Variants in IRAK2 observed in about 807,000 individuals in gnomAD.
IRAK2 encodes interleukin-1 receptor-associated kinase-like 2.
A neutral mutation model predicts 72.0 loss-of-function variants in IRAK2; 57 were observed. That is an observed-to-expected ratio of 0.79 (90% CI 0.64 to 0.99). The LOEUF (loss-of-function observed/expected upper bound fraction) is 0.99, where lower values mean the gene tolerates loss of function less well. IRAK2 is among the 50% of genes least tolerant of loss of function. The pLI is 0.00. For synonymous variants in IRAK2, 293 were observed against 312.7 expected (o/e 0.94, Z 0.67); for missense variants, 790 against 794.4 (o/e 0.99, Z 0.07).
At chr3:10,209,769 T>A in intron 4 of IRAK2, 77 bp downstream of exon 4, 1 of 862,698 alleles carries the variant, frequency 1.2e-6, no homozygotes, top group Non-Finnish European at 1.7e-6. Flanking sequence ...GCAATTTCTC[T>A]ACCCCTTGAG....
chr3:10,217,645 A>G (rs1020558054), intron 7 of IRAK2, among the ~76,000 whole-genome samples: 2 of 152,230 alleles, frequency 1.3e-5, no homozygotes, highest in Admixed American at 6.5e-5. Context: ...GGGGCCTAGG[A>G]TAAGAAGCAA....
intron 1 of IRAK2, among the ~76,000 whole-genome samples, chr3:10,175,186 C>A (rs528620182): frequency 6.6e-6 from 1 of 151,960 alleles, no homozygotes; most frequent in Non-Finnish European, 1.5e-5. Context: ...TGCAGTGGCA[C>A]GATCTCAGCT....
chr3:10,226,401 G>A lies in IRAK2; in HGVS notation c.1240G>A (p.Ala414Thr). The A allele has an allele frequency of 6.2e-7, 1 of 1,613,614 alleles. No individual in the cohort carries two copies. Among genetic ancestry groups the A allele is most frequent in the Non-Finnish European group, 8.5e-7 (1 of 1,179,842 alleles). The change falls in exon 10 of 13, where the codon GCA (alanine) becomes ACA (threonine). Residue 414 changes from alanine (A) to threonine (T), a missense_variant. Coordinates refer to ENST00000256458, the MANE Select transcript of IRAK2 (RefSeq NM_001570.4). ...VLAEVLTGIPAMDNNRSPVYL... is the reference protein window; with the variant it reads ...VLAEVLTGIPTMDNNRSPVYL... The stretch of plus-strand genomic sequence containing the variant: ...GGCCGAGGTCCTCACGGGCATCCCT[G>A]CAATGGATAACAACCGAAGCCCGGT...
chr3:10,187,474 T>C (rs1295474842), intron 2 of IRAK2, among the ~76,000 whole-genome samples: 1 of 152,190 alleles, frequency 6.6e-6, no homozygotes, highest in African/African-American at 2.4e-5. Flanking sequence ...GAGTACTACA[T>C]GCACAGGGCA....
chr3:10,229,108 A>AT (rs911256073), intron 10 of IRAK2, among the ~76,000 whole-genome samples: 2 of 151,370 alleles, frequency 1.3e-5, no homozygotes, highest in Non-Finnish European at 2.9e-5. Flanking sequence ...TAATTTTTGT[A>AT]TTTTTTTTAG....
intron 1 of IRAK2, among the ~76,000 whole-genome samples, chr3:10,176,622 T>G (rs2125141907): frequency 6.6e-6 from 1 of 150,948 alleles, no homozygotes; most frequent in East Asian, 2.0e-4. Context: ...GGACTACAGG[T>G]GCACGCCACC....
intron 10 of IRAK2, among the ~76,000 whole-genome samples, chr3:10,233,658 T>A (rs774121859): frequency 5.3e-5 from 8 of 152,198 alleles, no homozygotes; most frequent in Non-Finnish European, 1.0e-4. Context: ...GTTTGTATCA[T>A]AAGAGATTGT....
At chr3:10,180,843 T>G (rs747070920) in intron 2 of IRAK2, among the ~76,000 whole-genome samples, 3 of 151,880 alleles carry the variant, frequency 2.0e-5, no homozygotes, top group Non-Finnish European at 2.9e-5. Context: ...TTGGGGGCAT[T>G]GTGGGGCAGA....
intron 1 of IRAK2, among the ~76,000 whole-genome samples, chr3:10,168,358 G>T (rs1476511256): frequency 6.6e-6 from 1 of 151,854 alleles, no homozygotes; most frequent in East Asian, 1.9e-4. Flanking sequence ...TTACAGGCAT[G>T]CACCACCGTG....
rs535210978 is a variant in IRAK2 at position 10,207,906 on chromosome 3, C to T, written c.425-1683C>T. Among the ~76,000 whole-genome samples the T allele has an allele frequency of 2.1e-4, 32 of 150,534 alleles. 1 individual carries two copies. In the South Asian group the frequency reaches 4.4e-3, roughly 21 times the overall value. On this transcript the variant is annotated intron_variant, in intron 3 of 12. Coordinates refer to ENST00000256458, the MANE Select transcript of IRAK2 (RefSeq NM_001570.4). Reference sequence around the variant, plus strand: ...ACTTCGTAGGCTGAGGCAGGAGAATCGCTTGAACCTGGGAGGGGGAGTTTG... The same window carrying T: ...ACTTCGTAGGCTGAGGCAGGAGAATTGCTTGAACCTGGGAGGGGGAGTTTG...
rs1486419061 is a variant in IRAK2 at position 10,222,760 on chromosome 3, G to C, written c.1138G>C (p.Ala380Pro). Residue 380 changes from alanine (A) to proline (P), a missense_variant, in exon 9 of 13, where the codon GCG (alanine) becomes CCG (proline). By Grantham distance (27) the Ala-to-Pro change is conservative. Transcript: ENST00000256458. The part of the protein sequence containing the change: ...MKTHLLRTSA[A>P]YLPEDFIRVG... ...GACTCACCTGCTCCGGACGTCAGCC[G>C]CGTATCTGCCAGAGGATTTCATCCG... 6.2e-7 allele frequency: 1 copy of C among 1,614,206 alleles called. No individual in the cohort carries two copies. Among genetic ancestry groups the C allele is most frequent in the Non-Finnish European group, 8.5e-7 (1 of 1,180,042 alleles).
At chr3:10,182,156 C>CG (rs1324459296) in intron 2 of IRAK2, among the ~76,000 whole-genome samples, 7 of 151,618 alleles carry the variant, frequency 4.6e-5, no homozygotes, top group African/African-American at 1.7e-4. Flanking sequence ...TCAGTAGAGA[C>CG]GGGGGTTTCA....
chr3:10,174,534 TA>T (rs1276080494), intron 1 of IRAK2, among the ~76,000 whole-genome samples: 1 of 152,138 alleles, frequency 6.6e-6, no homozygotes, highest in Non-Finnish European at 1.5e-5. Context: ...TGTTTTGTTT[TA>T]TTTTTTTGAG....
intron 2 of IRAK2, among the ~76,000 whole-genome samples, chr3:10,194,029 T>C (rs1697224231): frequency 6.6e-6 from 1 of 152,278 alleles, no homozygotes; most frequent in African/African-American, 2.4e-5. Context: ...TGCACCTTTC[T>C]GGCAGAACTG....
chr3:10,219,862 C>T, intron 8 of IRAK2, 73 bp downstream of exon 8: 1 of 994,392 alleles, frequency 1.0e-6, no homozygotes. Flanking sequence ...CCTGGCTCAC[C>T]TCCCGCTCCG....
At chr3:10,241,757 CTG>C (rs1263661840) in intron 12 of IRAK2, among the ~76,000 whole-genome samples, 1 of 133,342 alleles carries the variant, frequency 7.5e-6, no homozygotes, top group Non-Finnish European at 1.5e-5. Context: ...AAAAAATTAA[CTG>C]TGTGTGTCGT....
chr3:10,201,345 T>C (rs1317608961), intron 3 of IRAK2, among the ~76,000 whole-genome samples: 1 of 152,234 alleles, frequency 6.6e-6, no homozygotes, highest in Non-Finnish European at 1.5e-5. Context: ...GCGTGCAGGC[T>C]CTGGACCGGA....
chr3:10,169,726 C>T (rs116782013), intron 1 of IRAK2, among the ~76,000 whole-genome samples: 1 of 152,226 alleles, frequency 6.6e-6, no homozygotes, highest in African/African-American at 2.4e-5. Flanking sequence ...ACACGTTTTA[C>T]AAACAATTTA....
At chr3:10,213,086 A>T in intron 4 of IRAK2, 121 bp from the exon 5 acceptor site, 1 of 829,844 alleles carries the variant, frequency 1.2e-6, no homozygotes, top group Non-Finnish European at 1.9e-6. Context: ...TCCTTTTTAC[A>T]GTTTCCATTG....
Sources: gnomAD v4.1 joint callset for allele counts (sites outside exome capture counted in the v4.1 genomes callset) on GRCh38, gnomAD v4.1.1 for gene constraint, MANE v1.5 for transcripts, NCBI Gene and HGNC (gene_info 2026-07-23, HGNC 2026-07-21) for gene names.